Variants in RAD51B observed in about 807,000 individuals in gnomAD.
The protein encoded by RAD51B is RAD51 paralog B.
A neutral mutation model predicts 42.2 loss-of-function variants in RAD51B; 38 were observed. The ratio of observed to expected loss-of-function variants is 0.90; its 90% CI spans 0.70 to 1.18. The LOEUF is 1.18. RAD51B is among the 50% of genes most tolerant of loss of function. The pLI, the probability that RAD51B is intolerant of heterozygous loss-of-function variation, is 0.00. For synonymous variants in RAD51B, 154 were observed against 145.2 expected (o/e 1.06, Z -0.43); for missense variants, 373 against 400.7 (o/e 0.93, Z 0.59).
chr14:68,315,744 C>A (rs146594807), intron 8 of RAD51B, among the ~76,000 whole-genome samples: 26 of 152,168 alleles, frequency 1.7e-4, no homozygotes, highest in African/African-American at 6.0e-4. Context: ...GGATAGTCTC[C>A]ATCTCCTGAC....
At chr14:68,473,021 A>G (rs2086164623) in intron 10 of RAD51B, among the ~76,000 whole-genome samples, 4 of 152,140 alleles carry the variant, frequency 2.6e-5, no homozygotes, top group Admixed American at 6.5e-5. Flanking sequence ...AGCCAGCTGG[A>G]TGATTTATTG....
intron 7 of RAD51B, among the ~76,000 whole-genome samples, chr14:68,005,930 A>C (rs2075583826): frequency 6.6e-6 from 1 of 152,102 alleles, no homozygotes; most frequent in Admixed American, 6.5e-5. Context: ...CAGGTGGAAG[A>C]GAGAGAGGAG....
intron 7 of RAD51B, among the ~76,000 whole-genome samples, chr14:67,993,248 A>G (rs35092949): frequency 6.6e-6 from 1 of 152,056 alleles, no homozygotes; most frequent in Non-Finnish European, 1.5e-5. Context: ...ATTGTAAACT[A>G]TACTCACCCT....
chr14:68,378,142 G>A (rs893466457), intron 8 of RAD51B, among the ~76,000 whole-genome samples: 2 of 151,996 alleles, frequency 1.3e-5, no homozygotes, highest in African/African-American at 2.4e-5. Context: ...TGAATCTAGC[G>A]GTAGGATAAA....
At chr14:68,454,561 C>T (rs2140194983) in intron 9 of RAD51B, among the ~76,000 whole-genome samples, 1 of 152,294 alleles carries the variant, frequency 6.6e-6, no homozygotes, top group Non-Finnish European at 1.5e-5. Flanking sequence ...CTTTGAAAGC[C>T]AGCATGGTAG....
chr14:68,227,945 GAT>G (rs2080073845), intron 7 of RAD51B, among the ~76,000 whole-genome samples: 1 of 152,190 alleles, frequency 6.6e-6, no homozygotes, highest in Admixed American at 6.5e-5. Flanking sequence ...TAATAATAAT[GAT>G]AGTCATTATG....
chr14:68,538,168 C>T lies in RAD51B; in HGVS notation c.1037-56317C>T, dbSNP rs140748623. ...GGGTCCCAGGTTCCCAGAGTCCTGT[C>T]AAATGTCACCAAGTCCATTTGAGTC... On this transcript the variant is annotated intron_variant, in intron 10 of 10. Transcript: ENST00000487270. Among the ~76,000 whole-genome samples the T allele has an allele frequency of 2.4e-3, 359 of 152,320 alleles. 1 individual carries two copies. Among genetic ancestry groups the T allele is most frequent in the Non-Finnish European group, 4.3e-3 (294 of 68,028 alleles).
chr14:68,467,742 G>A lies in RAD51B; in HGVS notation c.958-430G>A, dbSNP rs911387599. On this transcript the variant is annotated intron_variant, in intron 9 of 10. Transcript: ENST00000471583. Reference sequence around the variant, plus strand: ...CAACAAAGAAACCTTCAATTGCTTTGCCTTTCGCAAGTTATTTTGAATATT... The same window carrying A: ...CAACAAAGAAACCTTCAATTGCTTTACCTTTCGCAAGTTATTTTGAATATT... 2.0e-5 allele frequency among the ~76,000 whole-genome samples: 3 copies of A among 152,232 alleles called. 1 individual carries two copies. Among genetic ancestry groups the A allele is most frequent in the Non-Finnish European group, 4.4e-5 (3 of 68,034 alleles).
At chr14:68,679,036 G>A (rs777676016) in intron 11 of RAD51B, among the ~76,000 whole-genome samples, 28 of 151,596 alleles carry the variant, frequency 1.8e-4, no homozygotes, top group Non-Finnish European at 3.5e-4. Context: ...CTAAGGCCAT[G>A]CAGAGTAATT....
chr14:67,830,013 T>A (rs944326556), intron 3 of RAD51B, among the ~76,000 whole-genome samples: 1 of 151,864 alleles, frequency 6.6e-6, no homozygotes, highest in Non-Finnish European at 1.5e-5. Flanking sequence ...GGAAGGGAGA[T>A]GGGCAGGGAA....
At chr14:68,510,626 C>A (rs1387241737) in intron 10 of RAD51B, among the ~76,000 whole-genome samples, 1 of 152,166 alleles carries the variant, frequency 6.6e-6, no homozygotes, top group East Asian at 1.9e-4. Flanking sequence ...TTTCATCAGC[C>A]ATCAGCTGCC....
rs117219039 is a variant in RAD51B at position 68,166,286 on chromosome 14, G to A, written c.757-125598G>A. Among the ~76,000 whole-genome samples the A allele has an allele frequency of 1.2e-3, 178 of 151,260 alleles. 3 individuals carry two copies. In the East Asian group the frequency reaches 0.028, roughly 24 times the overall value. On this transcript the variant is annotated intron_variant, in intron 7 of 10. Transcript: ENST00000471583. ...TGAAAGTATAAAGTTCTCATAGTCC[G>A]AAGCATAAAAGGTGCTGTAACCAAT...
chr14:68,063,182 A>G (rs368718885), intron 7 of RAD51B, among the ~76,000 whole-genome samples: 1 of 151,584 alleles, frequency 6.6e-6, no homozygotes, highest in East Asian at 1.9e-4. Flanking sequence ...TGAAAATGCA[A>G]CTTTCCATCT....
intron 7 of RAD51B, 152 bp downstream of exon 7, chr14:67,887,356 C>T: frequency 7.4e-6 from 4 of 539,948 alleles, no homozygotes; most frequent in Non-Finnish European, 1.3e-5. Flanking sequence ...CTATAGCAAA[C>T]ATCGCCATCA....
chr14:68,227,916 C>G (rs2080073012), intron 7 of RAD51B, among the ~76,000 whole-genome samples: 1 of 151,930 alleles, frequency 6.6e-6, no homozygotes, highest in Admixed American at 6.6e-5. Context: ...ATTATTATGC[C>G]ATTAATTATT....
chr14:68,478,538 C>G (rs1479847750), downstream of RAD51B, among the ~76,000 whole-genome samples: 2 of 152,232 alleles, frequency 1.3e-5, no homozygotes, highest in African/African-American at 4.8e-5. Flanking sequence ...CCATGAGGCT[C>G]TGATTGAAGC....
chr14:68,506,480 C>T (rs1269248827), intron 10 of RAD51B, among the ~76,000 whole-genome samples: 1 of 152,202 alleles, frequency 6.6e-6, no homozygotes, highest in Non-Finnish European at 1.5e-5. Context: ...GCAAACAGAC[C>T]CAGGCCTGTC....
chr14:68,256,356 C>T (rs566306513), intron 7 of RAD51B, among the ~76,000 whole-genome samples: 9 of 152,218 alleles, frequency 5.9e-5, no homozygotes, highest in Non-Finnish European at 1.2e-4. Flanking sequence ...CAGGTGGATT[C>T]GGGTGTCTGT....
At chr14:68,405,849 A>G (rs1393408619) in intron 8 of RAD51B, among the ~76,000 whole-genome samples, 1 of 151,726 alleles carries the variant, frequency 6.6e-6, no homozygotes, top group African/African-American at 2.4e-5. Context: ...AAAAAAAAAA[A>G]AAAGTTTGAG....
Sources: allele counts gnomAD v4.1 joint callset (sites outside exome capture counted in the v4.1 genomes callset), GRCh38; gene constraint gnomAD v4.1.1; transcripts MANE v1.5; gene names NCBI Gene and HGNC (gene_info 2026-07-23, HGNC 2026-07-21).